The following SLC9A9 variants were observed in gnomAD, a reference collection of about 807,000 sequenced individuals.
SLC9A9 encodes the protein solute carrier family 9 member A9, also known as sodium/hydrogen exchanger 9.
SLC9A9 carries 62 observed loss-of-function variants against 77.8 expected under a neutral mutation model. The observed-to-expected ratio is 0.80, with a 90% CI of 0.65 to 0.98. The LOEUF (loss-of-function observed/expected upper bound fraction) is 0.98. Ranked by LOEUF, SLC9A9 falls within the 50% of genes least tolerant of loss-of-function variation. The pLI is 0.00. For synonymous variants in SLC9A9, 320 were observed against 283.5 expected (o/e 1.13, Z -1.29); for missense variants, 775 against 774.9 (o/e 1.00, Z 0.00).
chr3:143,796,750 A>T, intron 3 of SLC9A9, 76 bp downstream of exon 3: 2 of 1,034,514 alleles, frequency 1.9e-6, no homozygotes, highest in South Asian at 2.9e-5. Context: ...AGCCCATAAA[A>T]ATAACAGTTT....
intron 5 of SLC9A9, among the ~76,000 whole-genome samples, chr3:143,691,489 G>T (rs552717946): frequency 1.1e-4 from 16 of 152,242 alleles, no homozygotes; most frequent in African/African-American, 3.9e-4. Context: ...TTAACAGAAT[G>T]ACATCAGGCA....
chr3:143,772,807 T>C (rs1426324823), intron 4 of SLC9A9, among the ~76,000 whole-genome samples: 2 of 152,216 alleles, frequency 1.3e-5, no homozygotes, highest in Non-Finnish European at 2.9e-5. Context: ...ATGATGCCAA[T>C]TTCAGAAGCG....
At chr3:143,289,576 C>A (rs550000726) in intron 14 of SLC9A9, among the ~76,000 whole-genome samples, 97 of 152,170 alleles carry the variant, frequency 6.4e-4, no homozygotes, top group Non-Finnish European at 9.4e-4. Context: ...GGTGCTACCT[C>A]CAACTCTTTC....
intron 4 of SLC9A9, among the ~76,000 whole-genome samples, chr3:143,778,272 C>T (rs1300876150): frequency 1.3e-5 from 2 of 151,996 alleles, no homozygotes; most frequent in African/African-American, 2.4e-5. Context: ...GGCCTTTTTC[C>T]CTTTATGGCA....
chr3:143,266,791 C>G lies in SLC9A9; in HGVS notation c.1849G>C (p.Gly617Arg), dbSNP rs761505285. The G allele has an allele frequency of 6.2e-7, 1 of 1,614,216 alleles. No individual in the cohort carries two copies. The highest frequency in any genetic ancestry group is 8.5e-7 in the Non-Finnish European group (1 of 1,180,046). Residue 617 changes from glycine (G) to arginine (R), a missense_variant, in exon 16 of 16, where the codon GGC becomes CGC. Coordinates refer to ENST00000316549, the MANE Select transcript of SLC9A9 (RefSeq NM_173653.4). ...TCTCCCTCATAAATGTTTTCCTTGC[C>G]TGGCGTCTGGGGTGAAGCTTTCTGG... ...LDQKASPQTP[G>R]KENIYEGDLG...
At chr3:143,290,391 A>G (rs2029901401) in intron 14 of SLC9A9, among the ~76,000 whole-genome samples, 1 of 152,224 alleles carries the variant, frequency 6.6e-6, no homozygotes, top group Admixed American at 6.5e-5. Flanking sequence ...TATGTTCAAT[A>G]CATATTTGCT....
At chr3:143,497,424 C>A (rs905202764) in intron 9 of SLC9A9, among the ~76,000 whole-genome samples, 2 of 152,096 alleles carry the variant, frequency 1.3e-5, no homozygotes, top group African/African-American at 2.4e-5. Flanking sequence ...CTTTAGGCAG[C>A]ATGTTTGGCT....
Position 143,606,430 on chromosome 3 carries a change from C to CTATA in SLC9A9, c.756-27708_756-27707insTATA, listed in dbSNP as rs745429920. Among the ~76,000 whole-genome samples the CTATA allele has an allele frequency of 2.6e-3, 164 of 63,314 alleles. 1 individual carries two copies. Among genetic ancestry groups the CTATA allele is most frequent in the African/African-American group, 3.3e-3 (55 of 16,578 alleles). The allele number at this position is 63,314 out of a possible 152,430, so 41.5% of individuals were successfully genotyped here. ...TCTCTCTCTCTCTCTCTCTCTCTCT[C>CTATA]TCTCTCTATATATATATATATATAT... On this transcript the variant is annotated intron_variant, in intron 6 of 15. Transcript: ENST00000316549.
chr3:143,584,283 C>A (rs904731577), intron 6 of SLC9A9, among the ~76,000 whole-genome samples: 1 of 152,124 alleles, frequency 6.6e-6, no homozygotes, highest in Non-Finnish European at 1.5e-5. Context: ...AGAAACTACC[C>A]AGCCACCTCA....
chr3:143,774,266 T>G (rs1336286124), intron 4 of SLC9A9, among the ~76,000 whole-genome samples: 1 of 152,238 alleles, frequency 6.6e-6, no homozygotes, highest in Non-Finnish European at 1.5e-5. Context: ...AAGGGATGTC[T>G]GGGAAAGGTG....
intron 14 of SLC9A9, among the ~76,000 whole-genome samples, chr3:143,308,007 G>A (rs964184797): frequency 6.6e-6 from 1 of 152,170 alleles, no homozygotes; most frequent in Non-Finnish European, 1.5e-5. Flanking sequence ...TGAGCACACA[G>A]GCATGAGGCC....
At chr3:143,450,385 G>A (rs563709883) in intron 12 of SLC9A9, among the ~76,000 whole-genome samples, 1 of 151,262 alleles carries the variant, frequency 6.6e-6, no homozygotes, top group African/African-American at 2.4e-5. Flanking sequence ...AAGTGGTCAT[G>A]CTATTTTTAA....
intron 2 of SLC9A9, among the ~76,000 whole-genome samples, chr3:143,823,856 C>CA (rs1559815496): frequency 6.6e-6 from 1 of 151,926 alleles, no homozygotes; most frequent in African/African-American, 2.4e-5. Flanking sequence ...TTTTGGTGTG[C>CA]AAAGGACATA....
At chr3:143,700,358 A>G (rs897660055) in intron 4 of SLC9A9, among the ~76,000 whole-genome samples, 2 of 152,166 alleles carry the variant, frequency 1.3e-5, no homozygotes, top group Non-Finnish European at 2.9e-5. Context: ...GCTCAGCAAC[A>G]GCAGGACAGA....
chr3:143,706,885 TA>T (rs1364082588), intron 4 of SLC9A9, among the ~76,000 whole-genome samples: 2 of 152,174 alleles, frequency 1.3e-5, no homozygotes, highest in African/African-American at 4.8e-5. Context: ...TAATCCTTCT[TA>T]GAGTGTGTCC....
chr3:143,378,404 T>G (rs1333197696), intron 13 of SLC9A9, among the ~76,000 whole-genome samples: 1 of 152,182 alleles, frequency 6.6e-6, no homozygotes, highest in Middle Eastern at 3.2e-3. Flanking sequence ...ATTTCCTTAT[T>G]TGTAAAATGC....
intron 9 of SLC9A9, among the ~76,000 whole-genome samples, chr3:143,541,742 G>A (rs1326640257): frequency 3.3e-5 from 5 of 152,146 alleles, no homozygotes; most frequent in Admixed American, 3.3e-4. Context: ...GGGTTCAAAA[G>A]TTTATAGTTT....
intron 5 of SLC9A9, among the ~76,000 whole-genome samples, chr3:143,672,947 G>A (rs1283740685): frequency 6.6e-6 from 1 of 152,086 alleles, no homozygotes; most frequent in Non-Finnish European, 1.5e-5. Context: ...CTGAGCAGCC[G>A]TAACCATAGT....
intron 5 of SLC9A9, among the ~76,000 whole-genome samples, chr3:143,686,855 C>G (rs564490036): frequency 6.6e-6 from 1 of 151,966 alleles, no homozygotes; most frequent in Non-Finnish European, 1.5e-5. Context: ...GGCTTTTGCT[C>G]TCTTAAGTTT....
Sources: gnomAD v4.1 joint callset for allele counts (sites outside exome capture counted in the v4.1 genomes callset) on GRCh38, gnomAD v4.1.1 for gene constraint, MANE v1.5 for transcripts, NCBI Gene and HGNC (gene_info 2026-07-23, HGNC 2026-07-21) for gene names.